The following ZFYVE9 variants were observed in gnomAD, a reference collection of about 807,000 sequenced individuals.
ZFYVE9 encodes zinc finger FYVE-type containing 9, also known as zinc finger FYVE domain-containing protein 9.
A neutral mutation model predicts 126.7 loss-of-function variants in ZFYVE9; 43 were observed. The observed-to-expected ratio is 0.34, with a 90% confidence interval of 0.27 to 0.44. ZFYVE9 has a LOEUF of 0.44. ZFYVE9 is among the 20% of genes least tolerant of loss of function. ZFYVE9 has a pLI of 1.00. For synonymous variants in ZFYVE9, 521 were observed against 597.4 expected (o/e 0.87, Z 1.87); for missense variants, 1,476 against 1,697.0 (o/e 0.87, Z 2.29).
chr1:52,244,602 T>G (rs1470449298), intron 4 of ZFYVE9, among the ~76,000 whole-genome samples: 1 of 152,224 alleles, frequency 6.6e-6, no homozygotes, highest in Non-Finnish European at 1.5e-5. Flanking sequence ...AAGTAAAGCC[T>G]AATAGTGAAT....
chr1:52,212,046 C>T (rs563091012), intron 1 of ZFYVE9, among the ~76,000 whole-genome samples: 1 of 152,248 alleles, frequency 6.6e-6, no homozygotes, highest in South Asian at 2.1e-4. Context: ...AAATTTTAGT[C>T]TTCTGTTATA....
At position 52,213,823 on chromosome 1, in the gene ZFYVE9, G is replaced by C. The variant is rs148887735; in HGVS notation, c.-142-2546G>C. On this transcript the variant is annotated intron_variant, in intron 1 of 18. Coordinates refer to ENST00000287727, the MANE Select transcript of ZFYVE9 (RefSeq NM_004799.4). The stretch of plus-strand genomic sequence containing the variant: ...CTTCAAACTGAAGACGCAATAAGCT[G>C]CTTGCCTGCGGAGGAAGATATGTTG... 2.2e-4 allele frequency among the ~76,000 whole-genome samples: 34 copies of C among 152,244 alleles called. No homozygotes were observed. In the East Asian group the frequency reaches 6.0e-3, roughly 27 times the overall value.
At chr1:52,150,771 TAAA>T (rs796794662) in intron 1 of ZFYVE9, among the ~76,000 whole-genome samples, 4 of 135,016 alleles carry the variant, frequency 3.0e-5, no homozygotes, top group Admixed American at 7.5e-5. Flanking sequence ...CATACTGTCT[TAAA>T]AAAAAAAAAA....
intron 1 of ZFYVE9, chr1:52,160,455 C>T: frequency 2.4e-6 from 2 of 848,340 alleles, no homozygotes; most frequent in Admixed American, 3.4e-5. Flanking sequence ...TATGTGTGAC[C>T]TGTTACCAGC....
intron 4 of ZFYVE9, among the ~76,000 whole-genome samples, chr1:52,246,944 G>A (rs1235687814): frequency 6.6e-6 from 1 of 152,052 alleles, no homozygotes; most frequent in Non-Finnish European, 1.5e-5. Context: ...CTGACCTCAG[G>A]TGATCCACCC....
Position 52,266,684 on chromosome 1 carries a change from T to C in ZFYVE9, c.2308T>C (p.Ser770Pro). 1 of 1,604,304 alleles carries C rather than the reference T, an allele frequency of 6.2e-7. No individual in the cohort carries two copies. Among genetic ancestry groups the C allele is most frequent in the Admixed American group, 1.7e-5 (1 of 58,206 alleles). Residue 770 changes from serine (S) to proline (P), a missense_variant, in exon 6 of 19, where the codon TCA (serine) becomes CCA (proline). This residue lies in a region of ZFYVE9 where 669 missense variants were observed against 902.4 expected (regional missense o/e 0.74). Transcript: ENST00000287727. Reference protein sequence around the residue: ...AQAWENMMSASSQSPNPNNPA... With the variant: ...AQAWENMMSAPSQSPNPNNPA... Reference sequence around the variant, plus strand: ...AGCCTGGGAGAACATGATGAGTGCCTCAAGCCAGAGCCCTAACCCTAACAA... The same window carrying C: ...AGCCTGGGAGAACATGATGAGTGCCCCAAGCCAGAGCCCTAACCCTAACAA...
At chr1:52,143,264 T>C (rs1251830910) in intron 1 of ZFYVE9, among the ~76,000 whole-genome samples, 2 of 152,142 alleles carry the variant, frequency 1.3e-5, no homozygotes, top group Non-Finnish European at 2.9e-5. Context: ...CCCTAATAAA[T>C]ACCTGAAGGA....
In ZFYVE9 at chr1:52,262,793, C is replaced by T. The variant is rs150237473; in HGVS notation, c.2179-980C>T. The stretch of plus-strand genomic sequence containing the variant: ...GAGTTCTCAAGAAAATAAATCTGGC[C>T]GGGTGTGGTGGCTCACGCCTGTAAT... On this transcript the variant is annotated intron_variant, in intron 4 of 18. Coordinates refer to ENST00000287727, the MANE Select transcript of ZFYVE9 (RefSeq NM_004799.4). Among the ~76,000 whole-genome samples the T allele has an allele frequency of 1.9e-4, 29 of 152,120 alleles. No homozygotes were observed. The East Asian group carries it at 3.3e-3, about 17-fold the overall frequency.
chr1:52,186,374 G>A (rs1312980030), intron 1 of ZFYVE9, among the ~76,000 whole-genome samples: 1 of 152,132 alleles, frequency 6.6e-6, no homozygotes, highest in Admixed American at 6.6e-5. Flanking sequence ...ATATTGAATG[G>A]GCAGGAGCTG....
At chr1:52,149,601 G>T (rs1644335605) in intron 1 of ZFYVE9, among the ~76,000 whole-genome samples, 1 of 152,138 alleles carries the variant, frequency 6.6e-6, no homozygotes, top group African/African-American at 2.4e-5. Flanking sequence ...CTTGTATGTA[G>T]AATATTACCC....
At chr1:52,240,034 T>C (rs1645318288) in intron 4 of ZFYVE9, among the ~76,000 whole-genome samples, 1 of 152,206 alleles carries the variant, frequency 6.6e-6, no homozygotes, top group Admixed American at 6.5e-5. Flanking sequence ...ACACATAGAA[T>C]CCATCCTACT....
At chr1:52,336,113 G>T (rs190664226) in intron 15 of ZFYVE9, among the ~76,000 whole-genome samples, 112 of 151,486 alleles carry the variant, frequency 7.4e-4, no homozygotes, top group African/African-American at 2.7e-3. Context: ...CAGCCTGGGC[G>T]ACAGAGTGAG....
intron 13 of ZFYVE9, among the ~76,000 whole-genome samples, chr1:52,318,202 C>T (rs1646204165): frequency 6.6e-6 from 1 of 152,094 alleles, no homozygotes; most frequent in Admixed American, 6.6e-5. Flanking sequence ...TATATTATGA[C>T]TAAACATGGT....
chr1:52,221,355 A>G (rs1025246129), intron 2 of ZFYVE9, among the ~76,000 whole-genome samples: 1 of 152,118 alleles, frequency 6.6e-6, no homozygotes. Context: ...AACTGATTAG[A>G]TCTAAGCATT....
At chr1:52,223,419 A>G (rs996617104) in intron 2 of ZFYVE9, among the ~76,000 whole-genome samples, 7 of 152,174 alleles carry the variant, frequency 4.6e-5, no homozygotes, top group African/African-American at 1.7e-4. Context: ...GTGGACAGGC[A>G]TAATCTTTGC....
rs142750098 is a variant in ZFYVE9 at position 52,297,053 on chromosome 1, G to A, written c.3333+1076G>A. Among the ~76,000 whole-genome samples, 1,052 of 152,010 alleles carry A rather than the reference G, an allele frequency of 6.9e-3. 10 individuals carry two copies. Among genetic ancestry groups the A allele is most frequent in the African/African-American group, 0.024 (1,001 of 41,440 alleles). ...AACTCCTGGCCTCAATGATTCACCT[G>A]CCTCAGCCTCCCAAAGTGCTGGTAT... is the stretch of plus-strand genomic sequence containing the variant. On this transcript the variant is annotated intron_variant, in intron 12 of 18. Coordinates refer to ENST00000287727, the MANE Select transcript of ZFYVE9 (RefSeq NM_004799.4).
chr1:52,342,108 G>C (rs2820336), intron 17 of ZFYVE9, among the ~76,000 whole-genome samples: 3 of 152,050 alleles, frequency 2.0e-5, no homozygotes, highest in Non-Finnish European at 4.4e-5. Flanking sequence ...ACTCCCACTC[G>C]GTCATTTCAT....
At chr1:52,298,031 G>T (rs904559749) in intron 12 of ZFYVE9, among the ~76,000 whole-genome samples, 1 of 152,056 alleles carries the variant, frequency 6.6e-6, no homozygotes. Context: ...GGTTAAATTT[G>T]TTATATATTC....
chr1:52,149,378 G>A lies in ZFYVE9; in HGVS notation c.-143+6975G>A, dbSNP rs924215475. ...ATGAGTGCTGGGATTACAGACGTGA[G>A]CCACCGCGCCTGGGCAATATGAATA... On this transcript the variant is annotated intron_variant, in intron 1 of 18. Coordinates refer to ENST00000287727, the MANE Select transcript of ZFYVE9 (RefSeq NM_004799.4). 2.0e-5 allele frequency among the ~76,000 whole-genome samples: 3 copies of A among 152,092 alleles called. No individual in the cohort carries two copies. In the East Asian group the frequency reaches 5.8e-4, roughly 29 times the overall value.
Sources: allele counts gnomAD v4.1 joint callset (sites outside exome capture counted in the v4.1 genomes callset), GRCh38; gene constraint gnomAD v4.1.1; regional missense constraint gnomAD v4.1.1; transcripts MANE v1.5; gene names NCBI Gene and HGNC (gene_info 2026-07-23, HGNC 2026-07-21).